The following SOX6 variants were observed in gnomAD, a reference collection of about 807,000 sequenced individuals.
SOX6 encodes SRY-box transcription factor 6, also known as transcription factor SOX-6.
Under a neutral mutation model 97.8 loss-of-function variants are expected in SOX6, and 11 were observed. That is an observed-to-expected ratio of 0.11 (90% CI 0.07 to 0.19). The LOEUF (loss-of-function observed/expected upper bound fraction) is 0.19, where lower values mean the gene tolerates loss of function less well. Ranked by LOEUF, SOX6 falls within the 10% of genes least tolerant of loss-of-function variation. The pLI is 1.00. For synonymous variants in SOX6, 360 were observed against 371.4 expected (o/e 0.97, Z 0.35); for missense variants, 810 against 1,039.5 (o/e 0.78, Z 3.04).
At chr11:16,036,097 G>C (rs908789632) in intron 12 of SOX6, among the ~76,000 whole-genome samples, 1 of 60,850 alleles carries the variant, frequency 1.6e-5, no homozygotes, top group Admixed American at 1.9e-4. Context: ...TTTTTTTTTT[G>C]AGATGGAGTT....
intron 1 of SOX6, among the ~76,000 whole-genome samples, chr11:16,453,999 T>C (rs904108336): frequency 2.0e-5 from 3 of 152,178 alleles, no homozygotes; most frequent in Non-Finnish European, 4.4e-5. Flanking sequence ...TGTGGAACTT[T>C]ATAAACATGC....
rs148546694 is a variant in SOX6, at chr11:16,450,958, G to A, written c.-5+25357C>T. ...TGTTTAATGATTTGAGGGGCACTGG[G>A]TGCAGTGGCTCATACCTGTAACCCT... On this transcript the variant is annotated intron_variant, in intron 1 of 15. Transcript: ENST00000396356. 3.0e-4 allele frequency among the ~76,000 whole-genome samples: 46 copies of A among 152,258 alleles called. No individual in the cohort carries two copies. In the East Asian group the frequency reaches 8.7e-3, roughly 29 times the overall value.
intron 1 of SOX6, among the ~76,000 whole-genome samples, chr11:16,363,067 A>G (rs975653087): frequency 6.6e-6 from 1 of 152,166 alleles, no homozygotes; most frequent in Non-Finnish European, 1.5e-5. Flanking sequence ...TCTGAGGATA[A>G]AGCAGTGAAC....
chr11:16,735,719 A>T (rs1848386055), intron 2 of SOX6, among the ~76,000 whole-genome samples: 1 of 152,216 alleles, frequency 6.6e-6, no homozygotes, highest in African/African-American at 2.4e-5. Flanking sequence ...AATTATTGTG[A>T]AACTTTGAGG....
intron 4 of SOX6, among the ~76,000 whole-genome samples, chr11:16,603,507 C>T (rs1848295612): frequency 6.6e-6 from 1 of 152,084 alleles, no homozygotes; most frequent in Admixed American, 6.5e-5. Flanking sequence ...CGGATATTAA[C>T]TTCTGAGAGA....
intron 9 of SOX6, among the ~76,000 whole-genome samples, chr11:16,081,450 T>A (rs1215282656): frequency 1.3e-5 from 2 of 152,088 alleles, no homozygotes; most frequent in African/African-American, 4.8e-5. Context: ...ACAGTACTAA[T>A]TTAGGGGAGA....
intron 9 of SOX6, among the ~76,000 whole-genome samples, chr11:16,057,443 T>G (rs1202834457): frequency 6.6e-6 from 1 of 152,160 alleles, no homozygotes; most frequent in Admixed American, 6.6e-5. Flanking sequence ...ATGAAATCAG[T>G]AAAACTCTAC....
intron 1 of SOX6, among the ~76,000 whole-genome samples, chr11:16,419,302 G>T (rs1353538262): frequency 1.3e-5 from 2 of 152,030 alleles, no homozygotes; most frequent in Non-Finnish European, 2.9e-5. Flanking sequence ...ACAAAGATTT[G>T]CATAGAGTTT....
chr11:16,173,582 T>G (rs1262431507), intron 6 of SOX6, among the ~76,000 whole-genome samples: 1 of 145,498 alleles, frequency 6.9e-6, no homozygotes. Flanking sequence ...TTTTTTTGTT[T>G]TTTTTTTTTA....
chr11:16,457,365 C>T (rs1320413569), intron 1 of SOX6, among the ~76,000 whole-genome samples: 5 of 152,042 alleles, frequency 3.3e-5, no homozygotes, highest in Admixed American at 6.6e-5. Flanking sequence ...GTATATTATA[C>T]TTAGGCTCTT....
At chr11:16,653,846 A>G (rs1847687167) in intron 3 of SOX6, among the ~76,000 whole-genome samples, 1 of 152,084 alleles carries the variant, frequency 6.6e-6, no homozygotes, top group Admixed American at 6.6e-5. Flanking sequence ...TAGCCAAAAG[A>G]CCAAGAAGAA....
At chr11:16,111,073 A>G (rs1056639934) in intron 7 of SOX6, among the ~76,000 whole-genome samples, 2 of 152,206 alleles carry the variant, frequency 1.3e-5, no homozygotes, top group African/African-American at 4.8e-5. Flanking sequence ...TTACTTGACT[A>G]TCTTCTTACA....
chr11:16,652,399 G>A (rs1590039256), intron 3 of SOX6, among the ~76,000 whole-genome samples: 1 of 152,064 alleles, frequency 6.6e-6, no homozygotes, highest in Non-Finnish European at 1.5e-5. Context: ...GCATGGTACT[G>A]GTATAAAAAT....
At chr11:16,509,306 G>C (rs141445739) in intron 4 of SOX6, among the ~76,000 whole-genome samples, 1 of 151,874 alleles carries the variant, frequency 6.6e-6, no homozygotes, top group East Asian at 1.9e-4. Context: ...ATGATATAAA[G>C]GTTATCTGGC....
intron 3 of SOX6, among the ~76,000 whole-genome samples, chr11:16,704,312 C>T (rs1848115614): frequency 6.6e-6 from 1 of 152,082 alleles, no homozygotes; most frequent in South Asian, 2.1e-4. Flanking sequence ...GACAAGTTCC[C>T]TATTCTCCCA....
chr11:15,974,348 C>CTTTTT (rs1453513755), intron 15 of SOX6, among the ~76,000 whole-genome samples: 1,125 of 82,716 alleles, frequency 0.014, 21 homozygotes, highest in African/African-American at 0.05. Context: ...ACCTGCCATT[C>CTTTTT]TTTTTTTTGT....
chr11:16,249,154 T>C (rs1169412378), intron 3 of SOX6, among the ~76,000 whole-genome samples: 1 of 152,094 alleles, frequency 6.6e-6, no homozygotes, highest in Non-Finnish European at 1.5e-5. Flanking sequence ...TGCAAATTTC[T>C]GCAGCAGGCT....
At chr11:16,075,353 C>T (rs576341099) in intron 9 of SOX6, among the ~76,000 whole-genome samples, 35 of 152,108 alleles carry the variant, frequency 2.3e-4, no homozygotes, top group East Asian at 1.4e-3. Context: ...AAAGAGTGTG[C>T]GCATGAATGT....
intron 15 of SOX6, among the ~76,000 whole-genome samples, chr11:15,982,009 G>C (rs1052445779): frequency 4.0e-5 from 6 of 151,822 alleles, no homozygotes; most frequent in African/African-American, 1.5e-4. Flanking sequence ...GTTTCCCAAG[G>C]GCAAGGGGAG....
Sources: gnomAD v4.1 joint callset for allele counts (sites outside exome capture counted in the v4.1 genomes callset) on GRCh38, gnomAD v4.1.1 for gene constraint, MANE v1.5 for transcripts, NCBI Gene and HGNC (gene_info 2026-07-23, HGNC 2026-07-21) for gene names.